The following WWOX variants were observed in gnomAD, a reference collection of about 807,000 sequenced individuals.
WWOX encodes the protein WW domain containing oxidoreductase, also known as WW domain-containing oxidoreductase.
A neutral mutation model predicts 46.2 loss-of-function variants in WWOX; 69 were observed. The observed-to-expected ratio is 1.49, with a 90% confidence interval of 1.23 to 1.82. The LOEUF is 1.82. WWOX is among the 40% of genes most tolerant of loss of function. The pLI is 0.00. For synonymous variants in WWOX, 359 were observed against 202.6 expected, an observed-to-expected ratio of 1.77 and a Z score of -6.56; for missense variants, 919 against 542.6, an observed-to-expected ratio of 1.69 and a Z score of -6.89.
intron 5 of WWOX, among the ~76,000 whole-genome samples, chr16:78,229,579 G>A (rs2037185951): frequency 6.7e-6 from 1 of 150,276 alleles, no homozygotes. Flanking sequence ...TGTATTTCTA[G>A]GACTTAGAGT....
At chr16:79,151,476 G>A (rs1039101888) in intron 8 of WWOX, among the ~76,000 whole-genome samples, 3 of 152,194 alleles carry the variant, frequency 2.0e-5, no homozygotes, top group Non-Finnish European at 2.9e-5. Flanking sequence ...GGTGGCAGAG[G>A]GAGAGGACAG....
intron 8 of WWOX, among the ~76,000 whole-genome samples, chr16:78,688,115 T>C (rs1265513118): frequency 6.6e-6 from 1 of 152,046 alleles, no homozygotes; most frequent in Non-Finnish European, 1.5e-5. Context: ...TATTTCTATA[T>C]ATCTTAAAGT....
chr16:78,389,405 A>C (rs1047374004), intron 6 of WWOX, among the ~76,000 whole-genome samples: 6 of 152,126 alleles, frequency 3.9e-5, no homozygotes, highest in Non-Finnish European at 8.8e-5. Context: ...ACAAGCTGTC[A>C]CCTCAGTTGT....
intron 8 of WWOX, among the ~76,000 whole-genome samples, chr16:78,939,324 T>C (rs192332300): frequency 1.3e-5 from 2 of 152,320 alleles, no homozygotes; most frequent in African/African-American, 4.8e-5. Flanking sequence ...TCCTCAGTAA[T>C]GTGTGTCCCT....
chr16:78,291,140 G>T (rs951419448), intron 5 of WWOX, among the ~76,000 whole-genome samples: 2 of 152,088 alleles, frequency 1.3e-5, no homozygotes, highest in African/African-American at 4.8e-5. Context: ...CACTTAATCT[G>T]ATTTCATCAA....
intron 8 of WWOX, among the ~76,000 whole-genome samples, chr16:79,045,049 A>G (rs768970085): frequency 6.6e-6 from 1 of 152,240 alleles, no homozygotes; most frequent in Non-Finnish European, 1.5e-5. Flanking sequence ...GTTCTCTGGA[A>G]AGATCAGCTC....
chr16:78,908,426 G>C (rs997568998), intron 8 of WWOX, among the ~76,000 whole-genome samples: 5 of 151,942 alleles, frequency 3.3e-5, no homozygotes, highest in African/African-American at 9.7e-5. Flanking sequence ...TGTAATCCTA[G>C]CTAGTCGGGA....
chr16:78,184,178 G>T (rs1331180866), intron 5 of WWOX, among the ~76,000 whole-genome samples: 1 of 152,010 alleles, frequency 6.6e-6, no homozygotes, highest in Non-Finnish European at 1.5e-5. Flanking sequence ...TCTGTAGGAG[G>T]ATTTTTAAAA....
At chr16:78,214,287 C>CA in intron 5 of WWOX, among the ~76,000 whole-genome samples, 1 of 152,326 alleles carries the variant, frequency 6.6e-6, no homozygotes, top group South Asian at 2.1e-4. Context: ...CCTGTGCGAT[C>CA]ACTAGCCAAG....
intron 8 of WWOX, among the ~76,000 whole-genome samples, chr16:79,066,186 C>G (rs1176187578): frequency 2.6e-5 from 4 of 152,186 alleles, no homozygotes; most frequent in African/African-American, 7.2e-5. Context: ...AATCACTCCC[C>G]TCCCTCCACT....
chr16:78,176,857 G>A (rs1294104784), intron 5 of WWOX, among the ~76,000 whole-genome samples: 1 of 152,184 alleles, frequency 6.6e-6, no homozygotes, highest in Admixed American at 6.5e-5. Flanking sequence ...AGGCAGGGAA[G>A]GATAGGATGC....
chr16:78,396,927 T>C (rs919088119), intron 6 of WWOX, among the ~76,000 whole-genome samples: 3 of 152,228 alleles, frequency 2.0e-5, no homozygotes, highest in Admixed American at 1.3e-4. Flanking sequence ...CTGGCAGCTG[T>C]GGTTTACTAC....
chr16:78,157,774 A>G (rs575079908), intron 4 of WWOX, among the ~76,000 whole-genome samples: 1 of 152,216 alleles, frequency 6.6e-6, no homozygotes, highest in Non-Finnish European at 1.5e-5. Context: ...TATTAAAGTC[A>G]TTCAGCCCTC....
At chr16:78,763,816 G>C (rs1271799379) in intron 8 of WWOX, among the ~76,000 whole-genome samples, 1 of 152,192 alleles carries the variant, frequency 6.6e-6, no homozygotes, top group African/African-American at 2.4e-5. Context: ...AAGCATAATT[G>C]TCAGCATAGT....
chr16:78,103,501 T>C (rs1162984091), intron 1 of WWOX, among the ~76,000 whole-genome samples: 1 of 152,126 alleles, frequency 6.6e-6, no homozygotes, highest in Non-Finnish European at 1.5e-5. Context: ...CTCAGTTCTC[T>C]GGATCAGGGT....
intron 8 of WWOX, 25 bp downstream of exon 8, chr16:78,432,777 C>G (rs757159180): frequency 6.2e-7 from 1 of 1,614,024 alleles, no homozygotes; most frequent in Non-Finnish European, 8.5e-7. Flanking sequence ...TCTGGCGCCG[C>G]AAACACCTTG....
intron 8 of WWOX, among the ~76,000 whole-genome samples, chr16:78,582,063 A>C (rs1597302770): frequency 1.3e-5 from 2 of 152,212 alleles, no homozygotes; most frequent in Non-Finnish European, 2.9e-5. Flanking sequence ...TCTGAGAAGG[A>C]ACGCTGGGTG....
intron 8 of WWOX, among the ~76,000 whole-genome samples, chr16:78,770,821 C>A (rs2050046787): frequency 6.6e-6 from 1 of 152,202 alleles, no homozygotes. Context: ...CCAAGCCGAG[C>A]AATGCTAAAT....
chr16:78,931,834 C>T (rs1358088108), intron 8 of WWOX, among the ~76,000 whole-genome samples: 1 of 152,188 alleles, frequency 6.6e-6, no homozygotes, highest in Non-Finnish European at 1.5e-5. Flanking sequence ...CTCCCATAAT[C>T]CCCACGCCAC....
Sources: allele counts gnomAD v4.1 joint callset (sites outside exome capture counted in the v4.1 genomes callset), GRCh38; gene constraint gnomAD v4.1.1; transcripts MANE v1.5; gene names NCBI Gene and HGNC (gene_info 2026-07-23, HGNC 2026-07-21).